The following PIK3R6 variants were observed in gnomAD, a reference collection of about 807,000 sequenced individuals.
The protein encoded by PIK3R6 is phosphoinositide-3-kinase regulatory subunit 6.
Under a neutral mutation model 84.9 loss-of-function variants are expected in PIK3R6, and 91 were observed. That is an observed-to-expected ratio of 1.07 (90% CI 0.90 to 1.28). The LOEUF (loss-of-function observed/expected upper bound fraction) is 1.28, where lower values mean the gene tolerates loss of function less well. Ranked by LOEUF, PIK3R6 falls within the 50% of genes most tolerant of loss-of-function variation. PIK3R6 has a pLI of 0.00. For missense variants in PIK3R6, 996 were observed against 985.1 expected (o/e 1.01, Z -0.15); for synonymous variants, 416 against 411.4 (o/e 1.01, Z -0.13).
intron 1 of PIK3R6, among the ~76,000 whole-genome samples, chr17:8,861,918 A>G (rs1044488700): frequency 2.6e-5 from 4 of 152,378 alleles, no homozygotes; most frequent in Admixed American, 2.6e-4. Context: ...GATCTATGGT[A>G]AGAACAAATC....
chr17:8,847,207 C>T (rs2088833319), intron 2 of PIK3R6, among the ~76,000 whole-genome samples: 1 of 152,150 alleles, frequency 6.6e-6, no homozygotes, highest in Non-Finnish European at 1.5e-5. Context: ...TTACCTTTGT[C>T]ACATATTGCC....
chr17:8,833,521 A>C (rs2088334508), intron 8 of PIK3R6, among the ~76,000 whole-genome samples: 1 of 150,088 alleles, frequency 6.7e-6, no homozygotes, highest in African/African-American at 2.5e-5. Flanking sequence ...TGATCTGGGA[A>C]GCCCCCCCTG....
At chr17:8,811,209 G>T (rs1017309345) in intron 18 of PIK3R6, among the ~76,000 whole-genome samples, 2 of 148,596 alleles carry the variant, frequency 1.3e-5, no homozygotes, top group Non-Finnish European at 2.9e-5. Flanking sequence ...GCTCTACATT[G>T]GTCCCTTTCA....
intron 8 of PIK3R6, among the ~76,000 whole-genome samples, chr17:8,833,541 C>CATT (rs762142116): frequency 7.6e-6 from 1 of 130,798 alleles, no homozygotes; most frequent in Non-Finnish European, 1.6e-5. Flanking sequence ...GAGAAAGTGA[C>CATT]TTTTTTTTTT....
chr17:8,829,398 GCACACATA>G (rs1185959839), intron 10 of PIK3R6, among the ~76,000 whole-genome samples: 6 of 139,450 alleles, frequency 4.3e-5, no homozygotes, highest in African/African-American at 1.1e-4. Flanking sequence ...ACACACGCAT[GCACACATA>G]CACACAGACA....
intron 4 of PIK3R6, chr17:8,838,253 T>C: frequency 2.3e-6 from 1 of 434,130 alleles, no homozygotes; most frequent in Non-Finnish European, 4.2e-6. Context: ...CCGAGGATAA[T>C]TTTGAGAAAC....
At position 8,857,530 on chromosome 17, in the gene PIK3R6, C is replaced by T. The variant is rs116639193; in HGVS notation, c.-91-7645G>A. 3.8e-3 allele frequency among the ~76,000 whole-genome samples: 581 copies of T among 152,196 alleles called. 1 individual carries two copies. Among genetic ancestry groups the T allele is most frequent in the African/African-American group, 0.013 (548 of 41,518 alleles). Reference sequence around the variant, plus strand: ...GGGCGGCCTGGGTTAATAATGAACACGGGGCAGCCTCGAAAGAAAAGAAAT... The same window carrying T: ...GGGCGGCCTGGGTTAATAATGAACATGGGGCAGCCTCGAAAGAAAAGAAAT... On this transcript the variant is annotated intron_variant, in intron 1 of 19. Transcript: ENST00000619866.
intron 1 of PIK3R6, among the ~76,000 whole-genome samples, chr17:8,859,342 C>G (rs2089217252): frequency 6.6e-6 from 1 of 152,200 alleles, no homozygotes; most frequent in African/African-American, 2.4e-5. Context: ...CTCATAATGA[C>G]CGCAGGGTGG....
Position 8,828,971 on chromosome 17 carries a change from G to A in PIK3R6, c.909C>T (p.Phe303=). Residue 303 remains phenylalanine, a synonymous_variant, in exon 11 of 20, where the codon TTC becomes TTT. Coordinates refer to ENST00000619866, the MANE Select transcript of PIK3R6 (RefSeq NM_001010855.4). ...EEQLWKELVL[F]LRPRSQLRLS... is the part of the protein sequence containing the mutation. ...GGCGCAGCTGGGATCTTGGGCGGAG[G>A]AAGAGCACCAGTTCCTTCCCTGGGG... 1 of 1,500,014 alleles carries A rather than the reference G, an allele frequency of 6.7e-7. No homozygotes were observed. Among genetic ancestry groups the A allele is most frequent in the Non-Finnish European group, 8.9e-7 (1 of 1,124,550 alleles). The allele number at this position is 1,500,014 out of a possible 1,614,324, so 92.9% of individuals were successfully genotyped here.
At chr17:8,832,400 T>TTTTTTA (rs869298790) in intron 9 of PIK3R6, among the ~76,000 whole-genome samples, 1 of 135,696 alleles carries the variant, frequency 7.4e-6, no homozygotes, top group Non-Finnish European at 1.6e-5. Flanking sequence ...TTTTTTTTTT[T>TTTTTTA]GAGACGGAGT....
At chr17:8,843,283 TTC>T (rs1225189559) in intron 2 of PIK3R6, among the ~76,000 whole-genome samples, 1 of 152,120 alleles carries the variant, frequency 6.6e-6, no homozygotes, top group Non-Finnish European at 1.5e-5. Context: ...TCCTCCCTCC[TTC>T]TCTCTCTCCC....
intron 16 of PIK3R6, 140 bp from the exon 17 acceptor site, chr17:8,822,076 CA>C (rs1202108348): frequency 7.8e-6 from 5 of 639,832 alleles, no homozygotes; most frequent in Admixed American, 6.1e-5. Context: ...TTTTTTGAGC[CA>C]GGGGGTTTCA....
intron 13 of PIK3R6, among the ~76,000 whole-genome samples, chr17:8,824,657 C>G (rs946218096): frequency 6.6e-6 from 1 of 152,136 alleles, no homozygotes; most frequent in Non-Finnish European, 1.5e-5. Context: ...AGGGGAAAAC[C>G]AAAACCTTAC....
chr17:8,837,938 GTCTAGGC>G, intron 4 of PIK3R6, 67 bp from the exon 5 acceptor site: 3 of 1,424,780 alleles, frequency 2.1e-6, no homozygotes, highest in Non-Finnish European at 3.0e-6. Context: ...GCGGGAGGCA[GTCTAGGC>G]TGGGAGTGGG....
intron 2 of PIK3R6, among the ~76,000 whole-genome samples, chr17:8,849,029 G>A (rs1404639654): frequency 6.6e-6 from 1 of 152,158 alleles, no homozygotes; most frequent in Non-Finnish European, 1.5e-5. Flanking sequence ...ACACATCTTG[G>A]TGGGGGTTGG....
chr17:8,820,538 C>T, intron 17 of PIK3R6, among the ~76,000 whole-genome samples: 1 of 152,176 alleles, frequency 6.6e-6, no homozygotes, highest in Admixed American at 6.5e-5. Context: ...TGATGGTCTG[C>T]TCCTGAGCCA....
intron 10 of PIK3R6, among the ~76,000 whole-genome samples, chr17:8,829,469 G>C (rs1464606707): frequency 1.6e-5 from 2 of 124,956 alleles, no homozygotes; most frequent in African/African-American, 6.5e-5. Context: ...CACATACACT[G>C]ACACACACTC....
At chr17:8,836,156 C>T (rs1254229257) in intron 7 of PIK3R6, among the ~76,000 whole-genome samples, 1 of 152,212 alleles carries the variant, frequency 6.6e-6, no homozygotes, top group African/African-American at 2.4e-5. Context: ...TGCACTTGCG[C>T]CTGAGCCCCT....
intron 18 of PIK3R6, among the ~76,000 whole-genome samples, chr17:8,817,665 A>C (rs192914110): frequency 5.3e-5 from 8 of 151,918 alleles, no homozygotes; most frequent in African/African-American, 1.9e-4. Flanking sequence ...CAAAACAAAA[A>C]AAACAAAAAC....
Sources: gnomAD v4.1 joint callset for allele counts (sites outside exome capture counted in the v4.1 genomes callset) on GRCh38, gnomAD v4.1.1 for gene constraint, MANE v1.5 for transcripts, NCBI Gene and HGNC (gene_info 2026-07-23, HGNC 2026-07-21) for gene names.